Variants in WWC1 observed in about 807,000 individuals in gnomAD.
The protein encoded by WWC1 is WW and C2 domain containing 1, also known as protein KIBRA.
Under a neutral mutation model 138.4 loss-of-function variants are expected in WWC1, and 55 were observed. The ratio of observed to expected loss-of-function variants is 0.40; its 90% CI spans 0.32 to 0.50. The LOEUF is 0.50. Among genes scored for constraint, WWC1 ranks in the 20% least tolerant of loss-of-function variants. WWC1 has a pLI of 0.72. For missense variants in WWC1, 1,226 were observed against 1,420.4 expected (o/e 0.86, Z 2.20); for synonymous variants, 524 against 564.9 (o/e 0.93, Z 1.03).
intron 1 of WWC1, among the ~76,000 whole-genome samples, chr5:168,304,989 C>A (rs1380137247): frequency 6.6e-6 from 1 of 152,098 alleles, no homozygotes; most frequent in Non-Finnish European, 1.5e-5. Context: ...CCATGCCCAG[C>A]TAATTTTGTA....
intron 1 of WWC1, among the ~76,000 whole-genome samples, chr5:168,334,518 A>G (rs1773297538): frequency 6.6e-6 from 1 of 152,110 alleles, no homozygotes; most frequent in South Asian, 2.1e-4. Flanking sequence ...GAAGCCTTCT[A>G]TAACTGTGAG....
At position 168,399,635 on chromosome 5, in the gene WWC1, G is replaced by C; in HGVS notation, c.590+68G>C. 9 of 1,464,158 alleles carry C rather than the reference G, an allele frequency of 6.1e-6. No homozygotes were observed. In the East Asian group the frequency reaches 1.4e-4, roughly 22 times the overall value. The allele number at this position is 1,464,158 out of a possible 1,614,324, so 90.7% of individuals were successfully genotyped here. On this transcript the variant is annotated intron_variant, in intron 5 of 22. Coordinates refer to ENST00000265293, the MANE Select transcript of WWC1 (RefSeq NM_015238.3). Reference sequence around the variant, plus strand: ...CCCTGGTTCCCCTCCTGTCCTCTCTGTCTCTCTCTCCTTCAGTCCCTTTCC... The same window carrying C: ...CCCTGGTTCCCCTCCTGTCCTCTCTCTCTCTCTCTCCTTCAGTCCCTTTCC...
At chr5:168,306,331 G>A (rs1245651306) in intron 1 of WWC1, among the ~76,000 whole-genome samples, 2 of 152,204 alleles carry the variant, frequency 1.3e-5, no homozygotes, top group Non-Finnish European at 2.9e-5. Flanking sequence ...AGGAGGCAGA[G>A]GTTGCAGTGA....
At chr5:168,350,377 G>A (rs1774845046) in intron 1 of WWC1, among the ~76,000 whole-genome samples, 1 of 152,126 alleles carries the variant, frequency 6.6e-6, no homozygotes, top group Admixed American at 6.5e-5. Context: ...TAGAGAGGTG[G>A]GTTCCTCAGG....
chr5:168,398,974 G>T (rs1779115368), intron 4 of WWC1, among the ~76,000 whole-genome samples: 1 of 152,196 alleles, frequency 6.6e-6, no homozygotes, highest in African/African-American at 2.4e-5. Flanking sequence ...TACAGTGTAG[G>T]CCACACAAAC....
At chr5:168,337,556 A>C (rs1773597512) in intron 1 of WWC1, among the ~76,000 whole-genome samples, 1 of 152,206 alleles carries the variant, frequency 6.6e-6, no homozygotes, top group Admixed American at 6.5e-5. Context: ...CACAGTGAAG[A>C]TCAAGGCCAG....
intron 8 of WWC1, chr5:168,410,211 A>C (rs927768993): frequency 5.6e-6 from 3 of 535,704 alleles, no homozygotes; most frequent in Non-Finnish European, 9.8e-6. Flanking sequence ...GAGTGAAACT[A>C]TGCTTTGAAC....
intron 9 of WWC1, chr5:168,415,364 T>G (rs963267799): frequency 1.3e-5 from 2 of 152,192 alleles, no homozygotes. Context: ...TAAAAAAATA[T>G]GCAAATCAGC....
At chr5:168,441,873 G>A (rs372735274) in intron 16 of WWC1, 39 bp downstream of exon 16, 46 of 1,593,138 alleles carry the variant, frequency 2.9e-5, no homozygotes, top group Middle Eastern at 1.9e-4. Flanking sequence ...CCACAAGGCC[G>A]CACCCGGATG....
At chr5:168,419,542 AAG>A (rs999596746) in intron 9 of WWC1, among the ~76,000 whole-genome samples, 3 of 152,194 alleles carry the variant, frequency 2.0e-5, no homozygotes, top group African/African-American at 7.2e-5. Flanking sequence ...GCTTAATGAA[AAG>A]AGAGATTTCT....
intron 11 of WWC1, among the ~76,000 whole-genome samples, chr5:168,426,654 G>A (rs571090376): frequency 9.0e-4 from 137 of 152,340 alleles, no homozygotes; most frequent in African/African-American, 3.1e-3. Flanking sequence ...AGGTCTCCGC[G>A]GGCTCAGCAG....
intron 1 of WWC1, among the ~76,000 whole-genome samples, chr5:168,314,072 G>T (rs1366002758): frequency 6.6e-6 from 1 of 152,174 alleles, no homozygotes; most frequent in Non-Finnish European, 1.5e-5. Context: ...AGCGGATGAG[G>T]GCCAGCCAGA....
chr5:168,381,105 A>T (rs1464685543), intron 2 of WWC1, among the ~76,000 whole-genome samples: 1 of 152,166 alleles, frequency 6.6e-6, no homozygotes, highest in Admixed American at 6.5e-5. Flanking sequence ...CCAGTTTGAG[A>T]ACCAGTTCTG....
chr5:168,353,777 C>T (rs569742992), intron 1 of WWC1, among the ~76,000 whole-genome samples: 2 of 152,232 alleles, frequency 1.3e-5, no homozygotes, highest in Non-Finnish European at 2.9e-5. Flanking sequence ...AGTCAGGGCC[C>T]AAGCTACTTC....
rs189893866 is a variant in WWC1 at position 168,447,950 on chromosome 5, A to G, written c.2525+3365A>G. Among the ~76,000 whole-genome samples, 18 of 152,218 alleles carry G rather than the reference A, an allele frequency of 1.2e-4. No individual in the cohort carries two copies. The East Asian group carries it at 3.5e-3, about 29-fold the overall frequency. Reference sequence around the variant, plus strand: ...CACAGGCAAAGGTCTGATGCCAGAAATAGGCCCAGGACCTATCTCCCAAAA... The same window carrying G: ...CACAGGCAAAGGTCTGATGCCAGAAGTAGGCCCAGGACCTATCTCCCAAAA... On this transcript the variant is annotated intron_variant, in intron 17 of 22. Coordinates refer to ENST00000265293, the MANE Select transcript of WWC1 (RefSeq NM_015238.3).
At chr5:168,376,068 T>C (rs1033032805) in intron 2 of WWC1, among the ~76,000 whole-genome samples, 7 of 148,050 alleles carry the variant, frequency 4.7e-5, no homozygotes, top group African/African-American at 1.5e-4. Flanking sequence ...TTTTTTTTTT[T>C]CTTCTAGACA....
rs1582407202 is a variant in WWC1 at position 168,467,626 on chromosome 5, CCA to C, written c.3151-211_3151-210del. On this transcript the variant is annotated intron_variant, in intron 21 of 22. Transcript: ENST00000265293. ...CCCTCATCTCCTCAATTCCTCAGAT[CCA>C]CAGTTATTCCGTTTCCTGGCCCCAA... The C allele has an allele frequency of 6.3e-6, 4 of 632,070 alleles. No individual in the cohort carries two copies. In the East Asian group the frequency reaches 9.0e-5, roughly 14 times the overall value. The allele number at this position is 632,070 out of a possible 1,614,324, so 39.2% of individuals were successfully genotyped here.
At chr5:168,310,388 T>C (rs1182598578) in intron 1 of WWC1, among the ~76,000 whole-genome samples, 2 of 151,232 alleles carry the variant, frequency 1.3e-5, no homozygotes, top group Non-Finnish European at 2.9e-5. Flanking sequence ...ATCTAAACCA[T>C]TTAAATTGTG....
In WWC1 at chr5:168,467,866, T is replaced by C; in HGVS notation, c.3177T>C (p.Gly1059=). Residue 1059 remains glycine, a synonymous_variant, in exon 22 of 23, where the codon GGT becomes GGC. Transcript: ENST00000265293. ...AGATGGACCGAGCGGAGCACAAGGG[T>C]GAGCTTCAGACAGACAAGATGATGA... ...KRQMDRAEHK[G]ELQTDKMMRA... The C allele has an allele frequency of 6.2e-7, 1 of 1,614,070 alleles. No homozygotes were observed. Among genetic ancestry groups the C allele is most frequent in the Non-Finnish European group, 8.5e-7 (1 of 1,180,006 alleles).
Sources: allele counts gnomAD v4.1 joint callset (sites outside exome capture counted in the v4.1 genomes callset), GRCh38; gene constraint gnomAD v4.1.1; transcripts MANE v1.5; gene names NCBI Gene and HGNC (gene_info 2026-07-23, HGNC 2026-07-21).